UNC13B: variants seen among roughly 807,000 people sequenced by gnomAD.
The protein encoded by UNC13B is unc-13 homolog B.
Under a neutral mutation model 211.0 loss-of-function variants are expected in UNC13B, and 144 were observed. That is an observed-to-expected ratio of 0.68 (90% CI 0.60 to 0.78). UNC13B has a LOEUF of 0.78. Ranked by LOEUF, UNC13B falls within the 30% of genes least tolerant of loss-of-function variation. The probability of loss-of-function intolerance (pLI) is 0.00; values close to 1 mark genes in which losing one functional copy is unlikely to be tolerated. For missense variants in UNC13B, 1,777 were observed against 2,002.0 expected (o/e 0.89, Z 2.14); for synonymous variants, 709 against 725.8 (o/e 0.98, Z 0.37).
intron 1 of UNC13B, among the ~76,000 whole-genome samples, chr9:35,167,077 T>A (rs982190215): frequency 5.3e-5 from 8 of 152,116 alleles, no homozygotes; most frequent in African/African-American, 1.4e-4. Flanking sequence ...GTATTTTTTT[T>A]ATTTTATTTT....
rs1836232805 is a variant in UNC13B at position 35,400,567 on chromosome 9, C to T, written c.12484+124C>T. On this transcript the variant is annotated intron_variant, in intron 37 of 39. Coordinates refer to ENST00000635942, the MANE Select transcript of UNC13B (RefSeq NM_001371189.2). ...ACTTCTTCAGAGAGCCCTTCAAATTCAGATCTCTATTGCTTGATGGGACCT... is the reference window on the plus strand; with the variant it reads ...ACTTCTTCAGAGAGCCCTTCAAATTTAGATCTCTATTGCTTGATGGGACCT... 6 of 1,204,010 alleles carry T rather than the reference C, an allele frequency of 5.0e-6. No individual in the cohort carries two copies. In the South Asian group the frequency reaches 1.0e-4, roughly 21 times the overall value. The allele number at this position is 1,204,010 out of a possible 1,614,324, so 74.6% of individuals were successfully genotyped here.
At chr9:35,290,858 T>C (rs1272198468) in intron 7 of UNC13B, among the ~76,000 whole-genome samples, 1 of 152,094 alleles carries the variant, frequency 6.6e-6, no homozygotes, top group Non-Finnish European at 1.5e-5. Flanking sequence ...CTCTCTATAG[T>C]GAAAGGCAGA....
intron 8 of UNC13B, among the ~76,000 whole-genome samples, chr9:35,298,941 A>G (rs184001141): frequency 6.6e-6 from 1 of 152,282 alleles, no homozygotes; most frequent in Admixed American, 6.5e-5. Context: ...ACAAATTATA[A>G]TGCCTTAGGC....
chr9:35,323,128 C>T (rs1830824046), intron 11 of UNC13B, among the ~76,000 whole-genome samples: 1 of 151,596 alleles, frequency 6.6e-6, no homozygotes, highest in South Asian at 2.1e-4. Flanking sequence ...TTAATCCATC[C>T]ATTTATGAGC....
chr9:35,177,208 T>A (rs1043084376), intron 1 of UNC13B, among the ~76,000 whole-genome samples: 23 of 152,118 alleles, frequency 1.5e-4, no homozygotes, highest in African/African-American at 4.8e-4. Context: ...GAGAATCTCT[T>A]CAACCCAGGG....
intron 1 of UNC13B, among the ~76,000 whole-genome samples, chr9:35,179,145 A>G (rs1318431201): frequency 6.6e-6 from 1 of 152,178 alleles, no homozygotes; most frequent in Non-Finnish European, 1.5e-5. Context: ...CAAATTAATT[A>G]TACAGGGTAG....
intron 13 of UNC13B, 80 bp from the exon 14 acceptor site, chr9:35,375,047 T>G: frequency 7.0e-7 from 1 of 1,428,796 alleles, no homozygotes; most frequent in Non-Finnish European, 9.9e-7. Context: ...GTCAAGTGGC[T>G]TTGGTCACTG....
At chr9:35,345,789 T>A (rs1378588236) in intron 11 of UNC13B, among the ~76,000 whole-genome samples, 1 of 152,216 alleles carries the variant, frequency 6.6e-6, no homozygotes, top group Non-Finnish European at 1.5e-5. Context: ...CTCTCATGCC[T>A]GGCATTCAGT....
At chr9:35,198,235 A>G (rs954704785) in intron 1 of UNC13B, among the ~76,000 whole-genome samples, 7 of 152,222 alleles carry the variant, frequency 4.6e-5, no homozygotes, top group Admixed American at 1.3e-4. Context: ...TCTCATGAAT[A>G]GGTCAGCACC....
In UNC13B at chr9:35,183,447, A is replaced by C. The variant is rs1450359689; in HGVS notation, c.22+21142A>C. Among the ~76,000 whole-genome samples the C allele has an allele frequency of 2.6e-3, 114 of 43,458 alleles. 1 individual carries two copies. Among genetic ancestry groups the C allele is most frequent in the Admixed American group, 7.1e-3 (23 of 3,240 alleles). 28.5% of individuals were successfully genotyped at this position (43,458 alleles called of 152,430 possible). On this transcript the variant is annotated intron_variant, in intron 1 of 39. Transcript: ENST00000635942. ...CAGATGAAGGGCGGCCGGGCAGAGG[A>C]GCCCCTCACCTCCCAGGCAGGGCGG...
chr9:35,333,357 C>T (rs1476748429), intron 11 of UNC13B, among the ~76,000 whole-genome samples: 4 of 152,166 alleles, frequency 2.6e-5, no homozygotes, highest in African/African-American at 7.2e-5. Flanking sequence ...GAGTTCTCCA[C>T]CACTTACGGC....
At chr9:35,354,248 G>A (rs146894014) in intron 11 of UNC13B, among the ~76,000 whole-genome samples, 3 of 152,316 alleles carry the variant, frequency 2.0e-5, no homozygotes, top group Non-Finnish European at 4.4e-5. Context: ...AGAATCCTGT[G>A]TTGCATTTAA....
intron 7 of UNC13B, among the ~76,000 whole-genome samples, chr9:35,289,968 T>C (rs1291710685): frequency 1.3e-5 from 2 of 152,098 alleles, no homozygotes; most frequent in African/African-American, 4.8e-5. Flanking sequence ...AGAGTGAGAC[T>C]CTGTCTCAAA....
chr9:35,315,908 A>C (rs1230979987), intron 11 of UNC13B, among the ~76,000 whole-genome samples: 3 of 152,230 alleles, frequency 2.0e-5, no homozygotes, highest in African/African-American at 7.2e-5. Context: ...TTACACAAAA[A>C]AAATGATGCT....
At chr9:35,273,989 A>C (rs576157510) in intron 7 of UNC13B, among the ~76,000 whole-genome samples, 1 of 152,156 alleles carries the variant, frequency 6.6e-6, no homozygotes, top group African/African-American at 2.4e-5. Flanking sequence ...GATCATGTAG[A>C]GTATGGGACT....
intron 11 of UNC13B, 152 bp downstream of exon 11, chr9:35,314,141 A>G (rs1435032498): frequency 4.5e-6 from 3 of 669,834 alleles, no homozygotes; most frequent in East Asian, 5.5e-5. Flanking sequence ...AGGGATGGGA[A>G]GTGGCCAGTG....
At chr9:35,227,942 T>G in intron 1 of UNC13B, 73 bp from the exon 2 acceptor site, 1 of 1,303,122 alleles carries the variant, frequency 7.7e-7, no homozygotes. Flanking sequence ...TGGTATGTAG[T>G]GCCTAATAAA....
intron 1 of UNC13B, among the ~76,000 whole-genome samples, chr9:35,210,876 T>TG (rs1441624278): frequency 1.3e-5 from 2 of 152,160 alleles, no homozygotes; most frequent in African/African-American, 4.8e-5. Flanking sequence ...GCAGAAATCT[T>TG]GCAATGCCCC....
intron 1 of UNC13B, among the ~76,000 whole-genome samples, chr9:35,184,757 A>G (rs10972376): frequency 0.014 from 1,543 of 107,090 alleles, 25 homozygotes; most frequent in Non-Finnish European, 0.019. Flanking sequence ...AGAAAGAAAG[A>G]AAGGAAGGAA....
Sources: gnomAD v4.1 joint callset for allele counts (sites outside exome capture counted in the v4.1 genomes callset) on GRCh38, gnomAD v4.1.1 for gene constraint, MANE v1.5 for transcripts, NCBI Gene and HGNC (gene_info 2026-07-23, HGNC 2026-07-21) for gene names.